PLD5: variants seen among roughly 807,000 people sequenced by gnomAD.
The protein encoded by PLD5 is inactive phospholipase D5.
In PLD5, 36 loss-of-function variants were observed where a neutral mutation model predicts 61.1. The observed-to-expected ratio is 0.59, with a 90% CI of 0.45 to 0.78. The LOEUF is 0.78. Among genes scored for constraint, PLD5 ranks in the 30% least tolerant of loss-of-function variants. The pLI, the probability that PLD5 is intolerant of heterozygous loss-of-function variation, is 0.00. For missense variants in PLD5, 515 were observed against 644.4 expected (o/e 0.80, Z 2.17); for synonymous variants, 243 against 242.8 (o/e 1.00, Z -0.01).
chr1:242,409,710 GA>G (rs1664439626), intron 1 of PLD5, among the ~76,000 whole-genome samples: 1 of 152,186 alleles, frequency 6.6e-6, no homozygotes. Context: ...GGGCTCAGGG[GA>G]TTGGTTTGAC....
At chr1:242,522,334 G>A (rs1436893004) in intron 1 of PLD5, among the ~76,000 whole-genome samples, 1 of 152,198 alleles carries the variant, frequency 6.6e-6, no homozygotes, top group Non-Finnish European at 1.5e-5. Context: ...CCAATCCTCA[G>A]AGGAGGCTGA....
chr1:242,373,133 G>C (rs1243981038), intron 1 of PLD5, among the ~76,000 whole-genome samples: 1 of 152,150 alleles, frequency 6.6e-6, no homozygotes, highest in African/African-American at 2.4e-5. Flanking sequence ...GTGGGCGAAG[G>C]ACAGTTTTTG....
At chr1:242,192,183 T>C (rs1254259892) in intron 5 of PLD5, 7 of 152,338 alleles carry the variant, frequency 4.6e-5, no homozygotes, top group Admixed American at 1.3e-4. Flanking sequence ...TATCTGACCA[T>C]GTCCCCATCA....
chr1:242,242,283 C>A (rs1206869802), intron 4 of PLD5, among the ~76,000 whole-genome samples: 2 of 152,102 alleles, frequency 1.3e-5, no homozygotes, highest in Non-Finnish European at 1.5e-5. Context: ...CCTGCGCCTG[C>A]AATCCAGGGG....
chr1:242,087,260 C>T lies in PLD5; in HGVS notation c.*2594G>A, dbSNP rs1436829473. The T allele has an allele frequency of 6.6e-6, 1 of 152,140 alleles. No individual in the cohort carries two copies. Among genetic ancestry groups the T allele is most frequent in the Non-Finnish European group, 1.5e-5 (1 of 68,046 alleles). 9.4% of individuals were successfully genotyped at this position (152,140 alleles called of 1,614,324 possible). ...TGCTGTGTCTGGTAGGCATCTGCTG[C>T]TGCTGCTTGGCAGAAAAGCCTGGGA... is the stretch of plus-strand genomic sequence containing the variant. On this transcript the variant is annotated 3_prime_UTR_variant, in exon 10 of 10. Transcript: ENST00000536534.
At chr1:242,458,582 A>G (rs1667015427) in intron 1 of PLD5, among the ~76,000 whole-genome samples, 1 of 152,242 alleles carries the variant, frequency 6.6e-6, no homozygotes, top group Admixed American at 6.5e-5. Flanking sequence ...AGAAAGTGTT[A>G]TAAGTAAATC....
intron 2 of PLD5, among the ~76,000 whole-genome samples, chr1:242,297,403 CT>C (rs71176739): frequency 0.17 from 3,676 of 21,872 alleles, 101 homozygotes; most frequent in African/African-American, 0.35. Flanking sequence ...CCCTTCAAGA[CT>C]TTTTTTTTTT....
At chr1:242,387,016 C>A (rs1281558762) in intron 1 of PLD5, among the ~76,000 whole-genome samples, 1 of 152,162 alleles carries the variant, frequency 6.6e-6, no homozygotes, top group Non-Finnish European at 1.5e-5. Flanking sequence ...ATTATACTCA[C>A]AGTAGATTTG....
intron 5 of PLD5, among the ~76,000 whole-genome samples, chr1:242,219,304 G>A (rs1284527524): frequency 1.1e-4 from 16 of 152,098 alleles, no homozygotes; most frequent in Non-Finnish European, 8.8e-5. Context: ...ATAATGGGCC[G>A]GGGAGGAGAC....
intron 1 of PLD5, among the ~76,000 whole-genome samples, chr1:242,356,202 A>G (rs1330796183): frequency 6.6e-6 from 1 of 152,074 alleles, no homozygotes; most frequent in African/African-American, 2.4e-5. Flanking sequence ...ATTGAAATAT[A>G]CCTTTCCCTT....
At chr1:242,506,215 T>C (rs559979037) in intron 1 of PLD5, among the ~76,000 whole-genome samples, 2 of 152,242 alleles carry the variant, frequency 1.3e-5, no homozygotes, top group South Asian at 4.1e-4. Flanking sequence ...ATGAACCAAT[T>C]GAAAATAAGA....
chr1:242,095,054 A>T (rs1018015411), intron 9 of PLD5, among the ~76,000 whole-genome samples: 1 of 151,868 alleles, frequency 6.6e-6, no homozygotes, highest in Admixed American at 6.6e-5. Flanking sequence ...CTCCTGCCTC[A>T]GCCTCCTGTG....
At chr1:242,159,388 C>A (rs1665648897) in intron 5 of PLD5, among the ~76,000 whole-genome samples, 1 of 152,152 alleles carries the variant, frequency 6.6e-6, no homozygotes, top group South Asian at 2.1e-4. Context: ...GTCTGCTCCA[C>A]CCTCAGGTTA....
intron 1 of PLD5, among the ~76,000 whole-genome samples, chr1:242,520,066 C>T (rs872700): frequency 0.43 from 64,961 of 152,006 alleles, 14,753 homozygotes; most frequent in African/African-American, 0.58. Flanking sequence ...TGGGTCTTAG[C>T]TGGATCCCCT....
intron 1 of PLD5, among the ~76,000 whole-genome samples, chr1:242,400,336 A>T (rs1371508059): frequency 7.9e-6 from 1 of 125,790 alleles, no homozygotes; most frequent in Non-Finnish European, 1.6e-5. Context: ...GAATTGCTGG[A>T]TTATGTGGTT....
intron 1 of PLD5, among the ~76,000 whole-genome samples, chr1:242,379,551 A>G (rs184504113): frequency 6.6e-6 from 1 of 152,222 alleles, no homozygotes; most frequent in East Asian, 1.9e-4. Context: ...ATCCAGGAAA[A>G]GTTTTATGGG....
chr1:242,471,535 T>C (rs1667448731), intron 1 of PLD5, among the ~76,000 whole-genome samples: 1 of 152,162 alleles, frequency 6.6e-6, no homozygotes, highest in African/African-American at 2.4e-5. Context: ...TTCTTCTATA[T>C]CTAGTACTGT....
chr1:242,128,713 A>G (rs144846721), intron 5 of PLD5, among the ~76,000 whole-genome samples: 389 of 152,246 alleles, frequency 2.6e-3, no homozygotes, highest in Middle Eastern at 6.8e-3. Flanking sequence ...CTCCCTGCCC[A>G]GGGAGCACAG....
chr1:242,167,455 G>A (rs1057146833), intron 5 of PLD5, among the ~76,000 whole-genome samples: 5 of 152,146 alleles, frequency 3.3e-5, no homozygotes, highest in Admixed American at 2.6e-4. Context: ...CATGAGAACA[G>A]CATGGGAAAA....
Sources: allele counts gnomAD v4.1 joint callset (sites outside exome capture counted in the v4.1 genomes callset), GRCh38; gene constraint gnomAD v4.1.1; transcripts MANE v1.5; gene names NCBI Gene and HGNC (gene_info 2026-07-23, HGNC 2026-07-21).